Variants in ZNF775 observed in about 807,000 individuals in gnomAD.
ZNF775 encodes zinc finger protein 775.
Under a neutral mutation model 2.4 loss-of-function variants are expected in ZNF775, and 1 was observed. The ratio of observed to expected loss-of-function variants is 0.41; its 90% CI spans 0.15 to 1.94. The LOEUF (loss-of-function observed/expected upper bound fraction) is 1.94. ZNF775 is among the 30% of genes most tolerant of loss of function. The pLI, the probability that ZNF775 is intolerant of heterozygous loss-of-function variation, is 0.30. For missense variants in ZNF775, 823 were observed against 826.6 expected, an observed-to-expected ratio of 1.00 and a Z score of 0.05; for synonymous variants, 381 against 373.3, an observed-to-expected ratio of 1.02 and a Z score of -0.24.
rs370467519 is a variant in ZNF775, at chr7:150,390,102, AC to A, written c.31+1603del. ...CTTTGCACCTTCTAATTTTATCTGA[AC>A]CATTAAAACCTAAAACATGATCCTT... On this transcript the variant is annotated intron_variant, in intron 2 of 2. Transcript: ENST00000329630. 3.9e-3 allele frequency among the ~76,000 whole-genome samples: 592 copies of A among 151,996 alleles called. 5 individuals are homozygous for A. The highest frequency in any genetic ancestry group is 0.013 in the African/African-American group (557 of 41,324).
chr7:150,397,010 C>A lies in ZNF775; in HGVS notation c.529C>A (p.His177Asn). Reference protein sequence around the residue: ...ECARRFSQKQHLLKHQKTHSR... With the variant: ...ECARRFSQKQNLLKHQKTHSR... ...CGCGCGGCGCTTCAGCCAGAAGCAG[C>A]ACCTGCTCAAGCACCAGAAGACCCA... Residue 177 changes from histidine (H) to asparagine (N), a missense_variant, in exon 3 of 3, where the codon CAC (histidine) becomes AAC (asparagine). Physicochemically the swap from His to Asn is moderately conservative, Grantham distance 68. Coordinates refer to ENST00000329630, the MANE Select transcript of ZNF775 (RefSeq NM_173680.4). The A allele has an allele frequency of 6.3e-7, 1 of 1,597,826 alleles. No individual in the cohort carries two copies. Among genetic ancestry groups the A allele is most frequent in the Non-Finnish European group, 8.5e-7 (1 of 1,178,460 alleles).
Position 150,397,334 on chromosome 7 carries a change from G to A in ZNF775, c.853G>A (p.Glu285Lys). The change falls in exon 3 of 3, where the codon GAG becomes AAG. Residue 285 changes from glutamate (E) to lysine (K), a missense_variant. By Grantham distance (56) the Glu-to-Lys change is moderately conservative. Coordinates refer to ENST00000329630, the MANE Select transcript of ZNF775 (RefSeq NM_173680.4). Reference protein sequence around the residue: ...PGEPRQFICNECGKSFTWWSS... With the variant: ...PGEPRQFICNKCGKSFTWWSS... ...CGAGCCGCGCCAGTTCATCTGCAAC[G>A]AGTGTGGCAAGAGCTTCACCTGGTG... 1 of 1,592,478 alleles carries A rather than the reference G, an allele frequency of 6.3e-7. No homozygotes were observed. The highest frequency in any genetic ancestry group is 8.5e-7 in the Non-Finnish European group (1 of 1,173,388).
At position 150,381,458 on chromosome 7, in the gene ZNF775, C is replaced by T. The variant is rs145890668; in HGVS notation, c.-50+2066C>T. 3.3e-3 allele frequency among the ~76,000 whole-genome samples: 503 copies of T among 152,190 alleles called. 3 individuals are homozygous for T. The highest frequency in any genetic ancestry group is 5.7e-3 in the Non-Finnish European group (387 of 68,006). ...AGTTCTTATAACCCTGAGTGGGGAGCGGGTGATGGCAACAGCAACGACCTA... is the reference window on the plus strand; with the variant it reads ...AGTTCTTATAACCCTGAGTGGGGAGTGGGTGATGGCAACAGCAACGACCTA... On this transcript the variant is annotated intron_variant, in intron 1 of 2. Transcript: ENST00000329630.
At chr7:150,386,282 T>G (rs2888633) in intron 1 of ZNF775, among the ~76,000 whole-genome samples, 68,244 of 151,956 alleles carry the variant, frequency 0.45, 15,575 homozygotes, top group Admixed American at 0.5. Context: ...GAGCATTTAC[T>G]GCAAAAATAA....
intron 2 of ZNF775, among the ~76,000 whole-genome samples, chr7:150,389,656 G>C (rs1049913368): frequency 6.6e-6 from 1 of 152,148 alleles, no homozygotes; most frequent in Non-Finnish European, 1.5e-5. Flanking sequence ...TGGTCTGCTG[G>C]GGTCCTCTCT....
rs1238214440 is a variant in ZNF775 at position 150,384,713 on chromosome 7, T to C, written c.-49-3709T>C. On this transcript the variant is annotated intron_variant, in intron 1 of 2. Transcript: ENST00000329630. This position sits in a 1 kb window ranked among gnomAD's most constrained non-coding sequence, Gnocchi z 4.1. ...TTCCTTCTGTCTCCATTTCTGTTCT[T>C]ACGTAAGCCACAGGCTGCTTCCCCT... Among the ~76,000 whole-genome samples the C allele has an allele frequency of 1.3e-5, 2 of 152,252 alleles. No homozygotes were observed. Among genetic ancestry groups the C allele is most frequent in the South Asian group, 2.1e-4 (1 of 4,824 alleles).
chr7:150,397,836 G>A lies in ZNF775; in HGVS notation c.1355G>A (p.Gly452Asp). The change falls in exon 3 of 3, where the codon GGC becomes GAC. Residue 452 changes from glycine (G) to aspartate (D), a missense_variant. Transcript: ENST00000329630. ...CGCCAGTTCATCTGCAACGAGTGCGGCAAGAGCTTCTCGTGGTGGTCGGCG... is the reference window on the plus strand; with the variant it reads ...CGCCAGTTCATCTGCAACGAGTGCGACAAGAGCTTCTCGTGGTGGTCGGCG... ...EPRQFICNECGKSFSWWSALT... is the reference protein window; with the variant it reads ...EPRQFICNECDKSFSWWSALT... 2 of 1,600,546 alleles carry A rather than the reference G, an allele frequency of 1.2e-6. No individual in the cohort carries two copies. Among genetic ancestry groups the A allele is most frequent in the Non-Finnish European group, 1.7e-6 (2 of 1,177,016 alleles).
At chr7:150,396,414 C>A in intron 2 of ZNF775, 99 bp from the exon 3 acceptor site, 1 of 1,423,524 alleles carries the variant, frequency 7.0e-7, no homozygotes, top group Non-Finnish European at 9.3e-7. Context: ...CCTCTCTGCC[C>A]TCCTGCACCA....
rs1286513428 is a variant in ZNF775, at chr7:150,397,316, C to T, written c.835C>T (p.Arg279Cys). 3 of 1,585,236 alleles carry T rather than the reference C, an allele frequency of 1.9e-6. No homozygotes were observed. The highest frequency in any genetic ancestry group is 1.4e-5 in the African/African-American group (1 of 73,592). The part of the protein sequence containing the change: ...VSGPEGPGEP[R>C]QFICNECGKS... Reference sequence around the variant, plus strand: ...CGGCCCCGAGGGGCCGGGCGAGCCGCGCCAGTTCATCTGCAACGAGTGTGG... The same window carrying T: ...CGGCCCCGAGGGGCCGGGCGAGCCGTGCCAGTTCATCTGCAACGAGTGTGG... Residue 279 changes from arginine to cysteine, a missense_variant, in exon 3 of 3, where the codon CGC becomes TGC. Physicochemically the swap from Arg to Cys is radical, Grantham distance 180. Coordinates refer to ENST00000329630, the MANE Select transcript of ZNF775 (RefSeq NM_173680.4).
intron 2 of ZNF775, among the ~76,000 whole-genome samples, chr7:150,390,173 C>A (rs143302723): frequency 7.2e-5 from 11 of 151,816 alleles, no homozygotes; most frequent in African/African-American, 2.7e-4. Context: ...GGACTCTCCA[C>A]GGGCAGGCCA....
Position 150,397,112 on chromosome 7 carries a change from C to A in ZNF775, c.631C>A (p.Arg211Ser), listed in dbSNP as rs1477723739. ...RHQVGLRIHQ[R>S]AHARDRQGSR... ...CCAGGTGGGCCTCCGCATCCACCAGCGCGCGCACGCCCGGGACCGCCAGGG... is the reference window on the plus strand; with the variant it reads ...CCAGGTGGGCCTCCGCATCCACCAGAGCGCGCACGCCCGGGACCGCCAGGG... The change falls in exon 3 of 3, where the codon CGC becomes AGC. Residue 211 changes from arginine (R) to serine (S), a missense_variant. Physicochemically the swap from Arg to Ser is moderately radical, Grantham distance 110 (BLOSUM62 -1). Coordinates refer to ENST00000329630, the MANE Select transcript of ZNF775 (RefSeq NM_173680.4). 1 of 1,539,862 alleles carries A rather than the reference C, an allele frequency of 6.5e-7. No individual in the cohort carries two copies. Among genetic ancestry groups the A allele is most frequent in the Non-Finnish European group, 8.7e-7 (1 of 1,151,254 alleles).
At chr7:150,385,891 A>G (rs951153889) in intron 1 of ZNF775, among the ~76,000 whole-genome samples, 6 of 152,154 alleles carry the variant, frequency 3.9e-5, no homozygotes, top group African/African-American at 1.2e-4. Flanking sequence ...CTTGATACTT[A>G]AATTTCAAAG....
In ZNF775 at chr7:150,397,165, T is replaced by G; in HGVS notation, c.684T>G (p.Ile228Met). The G allele has an allele frequency of 7.1e-7, 1 of 1,405,582 alleles. No homozygotes were observed. Among genetic ancestry groups the G allele is most frequent in the Non-Finnish European group, 9.2e-7 (1 of 1,089,320 alleles). 87.1% of individuals were successfully genotyped at this position (1,405,582 alleles called of 1,614,324 possible). A position where few individuals can be genotyped will look rare whatever the true frequency, so the allele number is the denominator to read the frequency against. The change falls in exon 3 of 3, where the codon ATT (isoleucine) becomes ATG (methionine). Residue 228 changes from isoleucine to methionine, a missense_variant. By Grantham distance (10) the Ile-to-Met change is conservative (BLOSUM62 1). Transcript: ENST00000329630. ...QGSRAGLHEL[I>M]QDAAARRACR... ...CCCGCGCCGGCCTGCACGAGCTGAT[T>G]CAGGACGCGGCGGCGCGCCGGGCCT... is the stretch of plus-strand genomic sequence containing the variant.
At position 150,396,053 on chromosome 7, in the gene ZNF775, C is replaced by T. The variant is rs972396996; in HGVS notation, c.32-460C>T. Among the ~76,000 whole-genome samples the T allele has an allele frequency of 5.3e-5, 8 of 152,150 alleles. No homozygotes were observed. In the East Asian group the frequency reaches 5.8e-4, roughly 11 times the overall value. ...TTTGCTTAGAAAGCTTCCAGCACGT[C>T]GATCCTCTTAGAAAAAGAATGGTAT... On this transcript the variant is annotated intron_variant, in intron 2 of 2. Coordinates refer to ENST00000329630, the MANE Select transcript of ZNF775 (RefSeq NM_173680.4).
In ZNF775 at chr7:150,397,249, C is replaced by G; in HGVS notation, c.768C>G (p.Cys256Trp). The G allele has an allele frequency of 7.7e-7, 1 of 1,306,752 alleles. No homozygotes were observed. Among genetic ancestry groups the G allele is most frequent in the Non-Finnish European group, 9.7e-7 (1 of 1,025,954 alleles). The allele number at this position is 1,306,752 out of a possible 1,614,324, so 80.9% of individuals were successfully genotyped here. A position where few individuals can be genotyped will look rare whatever the true frequency, so the allele number is the denominator to read the frequency against. Residue 256 changes from cysteine (C) to tryptophan (W), a missense_variant, in exon 3 of 3, where the codon TGC (cysteine) becomes TGG (tryptophan). Coordinates refer to ENST00000329630, the MANE Select transcript of ZNF775 (RefSeq NM_173680.4). Reference sequence around the variant, plus strand: ...CCGAGTGGGCCTGGCTGGGGCTCTGCCAGGGCTGGTGGGGCCAGCCCGGGG... The same window carrying G: ...CCGAGTGGGCCTGGCTGGGGCTCTGGCAGGGCTGGTGGGGCCAGCCCGGGG... ...GRPEWAWLGL[C>W]QGWWGQPGAR... is the part of the protein sequence containing the mutation.
chr7:150,392,678 T>G (rs1344282896), intron 2 of ZNF775, among the ~76,000 whole-genome samples: 1 of 151,758 alleles, frequency 6.6e-6, no homozygotes, highest in African/African-American at 2.4e-5. Flanking sequence ...GGACTACAGG[T>G]GTGCACCACC....
intron 1 of ZNF775, among the ~76,000 whole-genome samples, chr7:150,386,530 A>ACCC (rs1800457110): frequency 6.6e-6 from 1 of 151,574 alleles, no homozygotes; most frequent in Non-Finnish European, 1.5e-5. Context: ...GACCTAGGAG[A>ACCC]GGGAGTCTGG....
Position 150,398,045 on chromosome 7 carries a change from C to T in ZNF775, c.1564C>T (p.Arg522Cys). 1.3e-6 allele frequency: 2 copies of T among 1,569,712 alleles called. No individual in the cohort carries two copies. Among genetic ancestry groups the T allele is most frequent in the Admixed American group, 1.8e-5 (1 of 55,096 alleles). Residue 522 changes from arginine to cysteine, a missense_variant, in exon 3 of 3, where the codon CGC becomes TGC. Transcript: ENST00000329630. ...SQKQHLLKHQRVHRAAPACSP... is the reference protein window; with the variant it reads ...SQKQHLLKHQCVHRAAPACSP... ...GAAGCAGCACCTGCTCAAGCACCAG[C>T]GCGTGCACCGCGCGGCCCCTGCGTG...
At chr7:150,385,165 G>A (rs1800428458) in intron 1 of ZNF775, among the ~76,000 whole-genome samples, 1 of 152,140 alleles carries the variant, frequency 6.6e-6, no homozygotes, top group African/African-American at 2.4e-5. Flanking sequence ...AGCCCCACCA[G>A]GGGCTCCTCC....
Sources: gnomAD v4.1 joint callset for allele counts (sites outside exome capture counted in the v4.1 genomes callset) on GRCh38, gnomAD v4.1.1 for gene constraint, Gnocchi (gnomAD v3.1) non-coding constraint, MANE v1.5 for transcripts, NCBI Gene and HGNC (gene_info 2026-07-23, HGNC 2026-07-21) for gene names.